Variants in GATAD2A observed in about 807,000 individuals in gnomAD.
GATAD2A encodes the protein transcriptional repressor p66-alpha.
A neutral mutation model predicts 68.5 loss-of-function variants in GATAD2A; 12 were observed. That is an observed-to-expected ratio of 0.18 (90% CI 0.11 to 0.28). GATAD2A has a LOEUF of 0.28. Ranked by LOEUF, GATAD2A falls within the 10% of genes least tolerant of loss-of-function variation. The pLI is 1.00. For synonymous variants in GATAD2A, 410 were observed against 375.3 expected (o/e 1.09, Z -1.07); for missense variants, 755 against 868.5 (o/e 0.87, Z 1.64).
chr19:19,477,737 ATC>A (rs1568321502), intron 2 of GATAD2A, among the ~76,000 whole-genome samples: 1 of 152,024 alleles, frequency 6.6e-6, no homozygotes, highest in East Asian at 1.9e-4. Flanking sequence ...GGAGCCCAGG[ATC>A]TCTCAGGCAT....
At chr19:19,499,792 T>C (rs2060400720) in intron 8 of GATAD2A, among the ~76,000 whole-genome samples, 1 of 151,846 alleles carries the variant, frequency 6.6e-6, no homozygotes, top group African/African-American at 2.4e-5. Context: ...TCAGTCGCTC[T>C]CGTAACTCCC....
intron 1 of GATAD2A, among the ~76,000 whole-genome samples, chr19:19,431,496 C>G (rs2053743971): frequency 6.6e-6 from 1 of 150,912 alleles, no homozygotes; most frequent in Admixed American, 6.6e-5. Flanking sequence ...GAGTTCAAGA[C>G]CAGTGTGGCC....
intron 1 of GATAD2A, among the ~76,000 whole-genome samples, chr19:19,411,809 C>T (rs2050959948): frequency 6.6e-6 from 1 of 152,170 alleles, no homozygotes; most frequent in South Asian, 2.1e-4. Context: ...AAGCTTTCTC[C>T]CCCCAGATGT....
chr19:19,410,502 A>G (rs935878609), intron 1 of GATAD2A, among the ~76,000 whole-genome samples: 2 of 152,312 alleles, frequency 1.3e-5, no homozygotes, highest in Non-Finnish European at 2.9e-5. Context: ...TCCCTCAGCT[A>G]TTCCTCCTGC....
intron 1 of GATAD2A, among the ~76,000 whole-genome samples, chr19:19,425,582 G>A (rs2052978225): frequency 6.6e-6 from 1 of 152,090 alleles, no homozygotes; most frequent in South Asian, 2.1e-4. Flanking sequence ...GAAATGATTG[G>A]CAAAGAAATG....
chr19:19,439,939 C>T (rs1165635345), intron 1 of GATAD2A, among the ~76,000 whole-genome samples: 1 of 152,186 alleles, frequency 6.6e-6, no homozygotes, highest in Non-Finnish European at 1.5e-5. Flanking sequence ...GTATCCGAAA[C>T]ATGGTCAGAA....
At chr19:19,425,360 G>A (rs955728372) in intron 1 of GATAD2A, among the ~76,000 whole-genome samples, 5 of 152,050 alleles carry the variant, frequency 3.3e-5, no homozygotes, top group African/African-American at 4.8e-5. Flanking sequence ...CTGGCCATTC[G>A]GCTGTTCCCT....
At position 19,420,189 on chromosome 19, in the gene GATAD2A, T is replaced by G. The variant is rs569332571; in HGVS notation, c.-7+14170T>G. Among the ~76,000 whole-genome samples, 71 of 145,070 alleles carry G rather than the reference T, an allele frequency of 4.9e-4. 1 individual carries two copies. Among genetic ancestry groups the G allele is most frequent in the South Asian group, 4.5e-4 (2 of 4,454 alleles). ...CTATATCCAGCTAGTTTTTTTTTTT[T>G]TTTTTTTTTTTTAAGTAGAGACGGG... On this transcript the variant is annotated intron_variant, in intron 1 of 11. Coordinates refer to ENST00000683918, the MANE Select transcript of GATAD2A (RefSeq NM_001384528.1).
chr19:19,499,971 A>G (rs1437541158), intron 8 of GATAD2A, among the ~76,000 whole-genome samples: 1 of 152,178 alleles, frequency 6.6e-6, no homozygotes, highest in African/African-American at 2.4e-5. Flanking sequence ...CAAAAGAGCC[A>G]CCTGGGGCTG....
chr19:19,484,528 T>TTC (rs1555715962), intron 2 of GATAD2A, among the ~76,000 whole-genome samples: 2 of 146,060 alleles, frequency 1.4e-5, no homozygotes, highest in African/African-American at 5.1e-5. Flanking sequence ...CTTTTTTTTT[T>TTC]TTTCTTTTTT....
intron 2 of GATAD2A, among the ~76,000 whole-genome samples, chr19:19,490,103 G>A (rs2059685980): frequency 6.6e-6 from 1 of 152,202 alleles, no homozygotes; most frequent in Non-Finnish European, 1.5e-5. Flanking sequence ...CAGAATGTGG[G>A]CTGATAACCC....
At chr19:19,478,593 CA>C (rs944009237) in intron 2 of GATAD2A, among the ~76,000 whole-genome samples, 13 of 136,538 alleles carry the variant, frequency 9.5e-5, no homozygotes, top group Non-Finnish European at 7.9e-5. Flanking sequence ...GACTCTGTCT[CA>C]AAAAAAAAAG....
chr19:19,502,214 T>C (rs1316442645), intron 10 of GATAD2A, 117 bp from the exon 11 acceptor site: 60 of 948,552 alleles, frequency 6.3e-5, no homozygotes, highest in Admixed American at 1.6e-4. Flanking sequence ...TTTTGGACTT[T>C]AGGGACCCCA....
At chr19:19,469,382 A>G (rs1033341200) in intron 2 of GATAD2A, among the ~76,000 whole-genome samples, 3 of 148,996 alleles carry the variant, frequency 2.0e-5, no homozygotes, top group Non-Finnish European at 4.4e-5. Flanking sequence ...CAGTGAGCCA[A>G]GATCGCGCCA....
intron 1 of GATAD2A, among the ~76,000 whole-genome samples, chr19:19,428,635 G>A (rs781148263): frequency 3.9e-5 from 6 of 152,248 alleles, no homozygotes; most frequent in Non-Finnish European, 8.8e-5. Context: ...GTGCCAGGGA[G>A]CGAGAGGGGT....
At chr19:19,398,858 A>G (rs2049474905) in intron 1 of GATAD2A, among the ~76,000 whole-genome samples, 1 of 151,672 alleles carries the variant, frequency 6.6e-6, no homozygotes, top group South Asian at 2.1e-4. Flanking sequence ...CAGGAGTTTA[A>G]GACCAGCCTG....
Position 19,465,480 on chromosome 19 carries a change from CATG to C in GATAD2A, c.137_139del (p.Met46del). ...CTTCAGATTTAAACACTGACGGAGA[CATG>C]AGGGTGACACCTGAGCCGGGAGCAG... is the stretch of plus-strand genomic sequence containing the variant. On this transcript the variant is annotated inframe_deletion, in exon 2 of 12. Coordinates refer to ENST00000683918, the MANE Select transcript of GATAD2A (RefSeq NM_001384528.1). The C allele has an allele frequency of 1.9e-6, 3 of 1,613,956 alleles. No homozygotes were observed. Among genetic ancestry groups the C allele is most frequent in the Non-Finnish European group, 2.5e-6 (3 of 1,179,804 alleles).
At chr19:19,446,727 T>C (rs1157026251) in intron 1 of GATAD2A, among the ~76,000 whole-genome samples, 1 of 152,210 alleles carries the variant, frequency 6.6e-6, no homozygotes, top group East Asian at 1.9e-4. Context: ...GATTTTGTTT[T>C]GTTTTTATTT....
intron 1 of GATAD2A, among the ~76,000 whole-genome samples, chr19:19,432,306 G>A (rs1432868250): frequency 6.6e-6 from 1 of 151,554 alleles, no homozygotes; most frequent in African/African-American, 2.4e-5. Context: ...TTTTGTTTTT[G>A]TTTTTGTTTT....
Sources: gnomAD v4.1 joint callset for allele counts (sites outside exome capture counted in the v4.1 genomes callset) on GRCh38, gnomAD v4.1.1 for gene constraint, MANE v1.5 for transcripts, NCBI Gene and HGNC (gene_info 2026-07-23, HGNC 2026-07-21) for gene names.